The following ARHGAP5 variants were observed in gnomAD, a reference collection of about 807,000 sequenced individuals.
ARHGAP5 encodes the protein Rho GTPase activating protein 5, also known as rho GTPase-activating protein 5.
In ARHGAP5, 23 loss-of-function variants were observed where a neutral mutation model predicts 116.6. The observed-to-expected ratio is 0.20, with a 90% CI of 0.14 to 0.28. The LOEUF (loss-of-function observed/expected upper bound fraction) is 0.28. Among genes scored for constraint, ARHGAP5 ranks in the 10% least tolerant of loss-of-function variants. The pLI is 1.00. For synonymous variants in ARHGAP5, 574 were observed against 602.0 expected, an observed-to-expected ratio of 0.95 and a Z score of 0.68; for missense variants, 1,405 against 1,774.8, an observed-to-expected ratio of 0.79 and a Z score of 3.74.
chr14:32,145,688 G>GT, intron 3 of ARHGAP5, among the ~76,000 whole-genome samples: 1 of 151,960 alleles, frequency 6.6e-6, no homozygotes. Context: ...CTTATGTTTG[G>GT]TTTTTTTACA....
chr14:32,084,404 A>G (rs1445739662), intron 1 of ARHGAP5, among the ~76,000 whole-genome samples: 2 of 152,156 alleles, frequency 1.3e-5, no homozygotes, highest in African/African-American at 2.4e-5. Context: ...TTATGTTAGT[A>G]TATTTTGCTG....
Position 32,093,839 on chromosome 14 carries a change from A to G in ARHGAP5, c.3170A>G (p.Asn1057Ser). 1 of 1,613,686 alleles carries G rather than the reference A, an allele frequency of 6.2e-7. No homozygotes were observed. Among genetic ancestry groups the G allele is most frequent in the Non-Finnish European group, 8.5e-7 (1 of 1,179,912 alleles). Residue 1057 changes from asparagine to serine, a missense_variant, in exon 2 of 7, where the codon AAC becomes AGC. This residue lies in a region of ARHGAP5 where 944 missense variants were observed against 1,095.3 expected (regional missense o/e 0.86). Coordinates refer to ENST00000345122, the MANE Select transcript of ARHGAP5 (RefSeq NM_001030055.2). ...PKTNVKKLDP[N>S]LLKTIEAGIG... ...ACAAATGTGAAAAAACTCGATCCAA[A>G]CCTTTTAAAAACAATTGAAGCTGGT... is the stretch of plus-strand genomic sequence containing the variant.
intron 2 of ARHGAP5, among the ~76,000 whole-genome samples, chr14:32,104,298 TATATA>T (rs1426698237): frequency 6.6e-6 from 1 of 152,236 alleles, no homozygotes; most frequent in African/African-American, 2.4e-5. Context: ...ATCTGCCACA[TATATA>T]ATATATGTTG....
At chr14:32,147,235 TATGAAACCTAGAAAGC>T (rs1372604862) in intron 4 of ARHGAP5, among the ~76,000 whole-genome samples, 5 of 152,182 alleles carry the variant, frequency 3.3e-5, no homozygotes, top group African/African-American at 1.2e-4. Flanking sequence ...CTAAACTTGA[TATGAAACCTAGAAAGC>T]ATGAACCCAA....
intron 1 of ARHGAP5, among the ~76,000 whole-genome samples, chr14:32,082,594 G>A (rs963299800): frequency 3.3e-5 from 5 of 151,920 alleles, no homozygotes; most frequent in African/African-American, 1.2e-4. Context: ...CACCCAGGCT[G>A]GAGTGCAGTG....
intron 3 of ARHGAP5, among the ~76,000 whole-genome samples, chr14:32,133,795 G>A (rs1049502461): frequency 6.6e-6 from 1 of 152,118 alleles, no homozygotes; most frequent in African/African-American, 2.4e-5. Context: ...AGCATGAAGG[G>A]TTTTTGAATT....
chr14:32,144,949 C>T (rs1881307964), intron 3 of ARHGAP5, among the ~76,000 whole-genome samples: 1 of 152,170 alleles, frequency 6.6e-6, no homozygotes, highest in South Asian at 2.1e-4. Context: ...TGTTAAATGT[C>T]ATTTATCATT....
rs760666337 is a variant in ARHGAP5, at chr14:32,092,307, A to G, written c.1638A>G (p.Ile546Met). The G allele has an allele frequency of 6.2e-7, 1 of 1,613,848 alleles. No individual in the cohort carries two copies. Among genetic ancestry groups the G allele is most frequent in the Non-Finnish European group, 8.5e-7 (1 of 1,179,832 alleles). ...GGGAATCCCTTCTACTTAAGCATAT[A>G]GGATTTGTTTATCATCCCACTAAAG... ...PDRESLLLKH[I>M]GFVYHPTKET... Residue 546 changes from isoleucine (I) to methionine (M), a missense_variant, in exon 2 of 7, where the codon ATA becomes ATG. Ile to Met is a conservative substitution (Grantham distance 10). Coordinates refer to ENST00000345122, the MANE Select transcript of ARHGAP5 (RefSeq NM_001030055.2). This position sits in a 1 kb window ranked among gnomAD's most constrained non-coding sequence, Gnocchi z 4.1.
At chr14:32,127,698 A>G (rs1880243070) in intron 3 of ARHGAP5, among the ~76,000 whole-genome samples, 2 of 152,164 alleles carry the variant, frequency 1.3e-5, no homozygotes, top group South Asian at 4.1e-4. Flanking sequence ...TACACCTCCC[A>G]GACGGGGTGG....
chr14:32,090,825 G>A lies in ARHGAP5; in HGVS notation c.156G>A (p.Glu52=), dbSNP rs1485654900. The A allele has an allele frequency of 5.0e-6, 8 of 1,613,512 alleles. No homozygotes were observed. The highest frequency in any genetic ancestry group is 1.6e-4 in the Middle Eastern group (1 of 6,084). ...VRSKADEYYP[E]HTSVLSTIDF... The stretch of plus-strand genomic sequence containing the variant: ...CAAAAGCAGATGAATATTATCCAGA[G>A]CATACTTCTGTGCTTAGCACCATTG... Residue 52 remains glutamate, a synonymous_variant, in exon 2 of 7, where the codon GAG becomes GAA. Coordinates refer to ENST00000345122, the MANE Select transcript of ARHGAP5 (RefSeq NM_001030055.2).
chr14:32,125,795 A>C (rs1007759675), intron 3 of ARHGAP5, among the ~76,000 whole-genome samples: 7 of 151,952 alleles, frequency 4.6e-5, no homozygotes, highest in Non-Finnish European at 7.4e-5. Flanking sequence ...TTTGTCTTTA[A>C]TTTCTTTCAG....
intron 5 of ARHGAP5, among the ~76,000 whole-genome samples, chr14:32,151,862 T>G (rs1460465433): frequency 6.6e-6 from 1 of 152,226 alleles, no homozygotes; most frequent in Non-Finnish European, 1.5e-5. Flanking sequence ...TTAGCTTTCC[T>G]TATAAAAAGG....
At chr14:32,130,374 G>C (rs1880414795) in intron 3 of ARHGAP5, among the ~76,000 whole-genome samples, 1 of 148,678 alleles carries the variant, frequency 6.7e-6, no homozygotes, top group Admixed American at 6.7e-5. Flanking sequence ...ATCACACCAG[G>C]CTAATTTTTT....
intron 2 of ARHGAP5, among the ~76,000 whole-genome samples, chr14:32,096,817 A>G (rs1159917605): frequency 1.3e-5 from 2 of 152,210 alleles, no homozygotes; most frequent in African/African-American, 4.8e-5. Flanking sequence ...TCTATCTTTA[A>G]TTCTAAAACC....
intron 6 of ARHGAP5, among the ~76,000 whole-genome samples, chr14:32,152,807 C>G (rs140098101): frequency 6.6e-6 from 1 of 152,006 alleles, no homozygotes; most frequent in Non-Finnish European, 1.5e-5. Flanking sequence ...AGATAACTAA[C>G]CAGATTGACC....
intron 2 of ARHGAP5, among the ~76,000 whole-genome samples, chr14:32,115,993 T>TAA (rs993795543): frequency 1.1e-4 from 15 of 141,054 alleles, no homozygotes; most frequent in Non-Finnish European, 2.0e-4. Context: ...AGACTCCGTC[T>TAA]AAAAAAAAAA....
At position 32,154,695 on chromosome 14, in the gene ARHGAP5, G is replaced by C; in HGVS notation, c.4256G>C (p.Arg1419Thr). ...LSICFWPTLMRPDFENREFLS... is the reference protein window; with the variant it reads ...LSICFWPTLMTPDFENREFLS... ...ATCTGTTTTTGGCCAACCTTGATGA[G>C]ACCTGATTTTGAAAATCGAGAGTTT... Residue 1419 changes from arginine to threonine, a missense_variant, in exon 7 of 7, where the codon AGA becomes ACA. By Grantham distance (71) the Arg-to-Thr change is moderately conservative. Coordinates refer to ENST00000345122, the MANE Select transcript of ARHGAP5 (RefSeq NM_001030055.2). 6.2e-7 allele frequency: 1 copy of C among 1,614,138 alleles called. No individual in the cohort carries two copies.
chr14:32,087,740 G>C (rs2041844297), intron 1 of ARHGAP5, among the ~76,000 whole-genome samples: 1 of 151,880 alleles, frequency 6.6e-6, no homozygotes, highest in South Asian at 2.1e-4. Flanking sequence ...GTTCCTCCCT[G>C]TATCTAATGG....
chr14:32,099,438 G>A (rs1878692176), intron 2 of ARHGAP5, among the ~76,000 whole-genome samples: 1 of 152,156 alleles, frequency 6.6e-6, no homozygotes, highest in Admixed American at 6.5e-5. Flanking sequence ...TGTCAGTGTG[G>A]AATGGCCAAC....
Sources: gnomAD v4.1 joint callset for allele counts (sites outside exome capture counted in the v4.1 genomes callset) on GRCh38, gnomAD v4.1.1 for gene constraint, gnomAD v4.1.1 regional missense constraint, Gnocchi (gnomAD v3.1) non-coding constraint, MANE v1.5 for transcripts, NCBI Gene and HGNC (gene_info 2026-07-23, HGNC 2026-07-21) for gene names.